RGSL1: variants seen among roughly 807,000 people sequenced by gnomAD.
The protein encoded by RGSL1 is regulator of G protein signaling protein-like.
Under a neutral mutation model 124.7 loss-of-function variants are expected in RGSL1, and 97 were observed. The ratio of observed to expected loss-of-function variants is 0.78; its 90% CI spans 0.66 to 0.92. RGSL1 has a LOEUF of 0.92. RGSL1 is among the 40% of genes least tolerant of loss of function. The probability of loss-of-function intolerance (pLI) is 0.00; values close to 1 mark genes in which losing one functional copy is unlikely to be tolerated. For missense variants in RGSL1, 1,233 were observed against 1,288.4 expected, an observed-to-expected ratio of 0.96 and a Z score of 0.66; for synonymous variants, 424 against 438.1, an observed-to-expected ratio of 0.97 and a Z score of 0.40.
chr1:182,532,783 G>C lies in RGSL1; in HGVS notation c.2486G>C (p.Ser829Thr). 1 of 1,550,180 alleles carries C rather than the reference G, an allele frequency of 6.5e-7. No individual in the cohort carries two copies. The highest frequency in any genetic ancestry group is 8.7e-7 in the Non-Finnish European group (1 of 1,146,002). ...EDYLHQEMQN[S>T]KENFTTAHNT... ...TATCTTCACCAGGAAATGCAAAATA[G>C]CAAGGAAAGTAAGTCATTTCTGTAT... is the stretch of plus-strand genomic sequence containing the variant. The change falls in exon 14 of 22, where the codon AGC becomes ACC. Residue 829 changes from serine to threonine, a missense_variant. By Grantham distance (58) the Ser-to-Thr change is moderately conservative (BLOSUM62 1). Transcript: ENST00000294854.
intron 15 of RGSL1, among the ~76,000 whole-genome samples, chr1:182,544,889 C>A (rs1023575932): frequency 6.6e-6 from 1 of 151,970 alleles, no homozygotes; most frequent in Non-Finnish European, 1.5e-5. Context: ...GTTTTTATAG[C>A]TGAAGTGGGT....
intron 10 of RGSL1, among the ~76,000 whole-genome samples, chr1:182,525,080 C>A (rs1050932794): frequency 1.3e-5 from 2 of 152,032 alleles, no homozygotes; most frequent in Admixed American, 1.3e-4. Flanking sequence ...CAGAACTAGC[C>A]CGATAAGTCA....
At chr1:182,512,741 G>T (rs1428812817) in intron 9 of RGSL1, among the ~76,000 whole-genome samples, 1 of 152,206 alleles carries the variant, frequency 6.6e-6, no homozygotes, top group African/African-American at 2.4e-5. Context: ...GGTGAATGCA[G>T]AGATTTTACT....
At chr1:182,539,600 G>C (rs1659756989) in intron 14 of RGSL1, among the ~76,000 whole-genome samples, 1 of 152,126 alleles carries the variant, frequency 6.6e-6, no homozygotes, top group Non-Finnish European at 1.5e-5. Flanking sequence ...TAACTAACTA[G>C]GGTCCATTTG....
intron 14 of RGSL1, among the ~76,000 whole-genome samples, chr1:182,536,362 G>A (rs74625555): frequency 1.2e-3 from 183 of 152,250 alleles, no homozygotes; most frequent in African/African-American, 4.1e-3. Context: ...AACTTTATAA[G>A]GAATTGCCAA....
intron 11 of RGSL1, among the ~76,000 whole-genome samples, chr1:182,528,237 A>G (rs773624069): frequency 4.6e-5 from 7 of 152,114 alleles, no homozygotes; most frequent in Non-Finnish European, 8.8e-5. Flanking sequence ...CCATGATTCA[A>G]TTATCTCCAC....
intron 14 of RGSL1, 23 bp from the exon 15 acceptor site, chr1:182,540,224 A>C: frequency 6.6e-7 from 1 of 1,522,214 alleles, no homozygotes; most frequent in African/African-American, 1.4e-5. Flanking sequence ...CAAAATTGTA[A>C]TTCCTTCTTC....
chr1:182,533,591 T>G (rs1424687773), intron 14 of RGSL1, among the ~76,000 whole-genome samples: 1 of 152,150 alleles, frequency 6.6e-6, no homozygotes, highest in Non-Finnish European at 1.5e-5. Context: ...GGAGCCGGAG[T>G]GCCTAGATTT....
At chr1:182,537,043 C>T (rs866425707) in intron 14 of RGSL1, among the ~76,000 whole-genome samples, 1 of 152,152 alleles carries the variant, frequency 6.6e-6, no homozygotes, top group South Asian at 2.1e-4. Context: ...TTTATATAAT[C>T]TGGATATATT....
At chr1:182,517,709 A>C (rs1658005485) in intron 9 of RGSL1, among the ~76,000 whole-genome samples, 1 of 152,068 alleles carries the variant, frequency 6.6e-6, no homozygotes, top group African/African-American at 2.4e-5. Flanking sequence ...CTAAGTTCCA[A>C]GATTTCTGTT....
intron 4 of RGSL1, among the ~76,000 whole-genome samples, chr1:182,467,933 C>G (rs1178373831): frequency 1.3e-5 from 2 of 152,150 alleles, no homozygotes; most frequent in East Asian, 3.8e-4. Context: ...CAAAAACAAA[C>G]AGCCCCATCA....
chr1:182,548,275 C>G lies in RGSL1; in HGVS notation c.2670-42C>G, dbSNP rs1660344147. 5 of 1,550,188 alleles carry G rather than the reference C, an allele frequency of 3.2e-6. No homozygotes were observed. The South Asian group carries it at 6.0e-5, about 18-fold the overall frequency. ...TGGGTGCCTTGTTAGTCACTGTTTTCATCTTCTCCTCCTGATTTCCTACTT... is the reference window on the plus strand; with the variant it reads ...TGGGTGCCTTGTTAGTCACTGTTTTGATCTTCTCCTCCTGATTTCCTACTT... On this transcript the variant is annotated intron_variant, in intron 15 of 21. Coordinates refer to ENST00000294854, the MANE Select transcript of RGSL1 (RefSeq NM_001137669.2).
At chr1:182,509,859 G>A (rs1468796537) in intron 9 of RGSL1, among the ~76,000 whole-genome samples, 54 of 139,064 alleles carry the variant, frequency 3.9e-4, no homozygotes, top group Admixed American at 2.6e-3. Flanking sequence ...GCTGCCGGGC[G>A]GAGACGCTCC....
chr1:182,515,557 G>GGT (rs1553268053), intron 9 of RGSL1, among the ~76,000 whole-genome samples: 3 of 143,262 alleles, frequency 2.1e-5, no homozygotes, highest in Non-Finnish European at 4.6e-5. Flanking sequence ...AAAAAAAGGG[G>GGT]GGGGCGGGGT....
At chr1:182,480,506 A>G (rs1654624612) in intron 6 of RGSL1, among the ~76,000 whole-genome samples, 1 of 150,478 alleles carries the variant, frequency 6.6e-6, no homozygotes, top group Non-Finnish European at 1.5e-5. Context: ...CCCAGGCTGG[A>G]GTGCAGTGGC....
At chr1:182,540,476 A>G in intron 15 of RGSL1, 55 bp downstream of exon 15, 3 of 1,487,892 alleles carry the variant, frequency 2.0e-6, no homozygotes, top group Non-Finnish European at 2.7e-6. Context: ...CATCCTTAGG[A>G]CTGCCCAGCA....
intron 14 of RGSL1, among the ~76,000 whole-genome samples, chr1:182,537,092 T>C (rs1659599191): frequency 1.3e-5 from 2 of 152,342 alleles, no homozygotes; most frequent in Admixed American, 1.3e-4. Context: ...TCTCAGTTGA[T>C]GGCTTGCTTT....
chr1:182,474,901 T>C (rs1406555999), intron 6 of RGSL1, among the ~76,000 whole-genome samples: 1 of 152,218 alleles, frequency 6.6e-6, no homozygotes. Flanking sequence ...GAGAATCGAA[T>C]GCCTGATTAT....
At chr1:182,498,640 G>A (rs994772281) in intron 9 of RGSL1, among the ~76,000 whole-genome samples, 2 of 152,160 alleles carry the variant, frequency 1.3e-5, no homozygotes, top group African/African-American at 4.8e-5. Flanking sequence ...ATGGTTTTGA[G>A]TGATCTTTTT....
Sources: allele counts gnomAD v4.1 joint callset (sites outside exome capture counted in the v4.1 genomes callset), GRCh38; gene constraint gnomAD v4.1.1; transcripts MANE v1.5; gene names NCBI Gene and HGNC (gene_info 2026-07-23, HGNC 2026-07-21).